The following CAPN15 variants were observed in gnomAD, a reference collection of about 807,000 sequenced individuals.
The protein encoded by CAPN15 is calpain-15.
Under a neutral mutation model 97.9 loss-of-function variants are expected in CAPN15, and 53 were observed. The ratio of observed to expected loss-of-function variants is 0.54; its 90% confidence interval spans 0.43 to 0.68. The LOEUF (loss-of-function observed/expected upper bound fraction) is 0.68, where lower values mean the gene tolerates loss of function less well. Ranked by LOEUF, CAPN15 falls within the 30% of genes least tolerant of loss-of-function variation. CAPN15 has a pLI of 0.00. For missense variants in CAPN15, 1,592 were observed against 1,589.8 expected (o/e 1.00, Z -0.02); for synonymous variants, 922 against 722.5 (o/e 1.28, Z -4.43).
Position 553,025 on chromosome 16 carries a change from G to C in CAPN15, c.3067G>C (p.Val1023Leu). ...TRGSLRTQDSVPPLHRQVLVI... is the reference protein window; with the variant it reads ...TRGSLRTQDSLPPLHRQVLVI... ...CGGCAGCCTGCGTACCCAGGATAGC[G>C]TGCCACCCCTGCACAGGTGCGCCCC... The change falls in exon 13 of 14, where the codon GTG (valine) becomes CTG (leucine). Residue 1023 changes from valine (V) to leucine (L), a missense_variant. Physicochemically the swap from Val to Leu is conservative, Grantham distance 32 (BLOSUM62 1). Around this residue, in one of 3 missense-constraint regions of CAPN15, gnomAD observed 644 missense variants for 699.6 expected, o/e 0.92. Coordinates refer to ENST00000219611, the MANE Select transcript of CAPN15 (RefSeq NM_005632.3). The C allele has an allele frequency of 6.3e-7, 1 of 1,597,302 alleles. No homozygotes were observed. The highest frequency in any genetic ancestry group is 8.5e-7 in the Non-Finnish European group (1 of 1,172,140).
At position 547,115 on chromosome 16, in the gene CAPN15, A is replaced by G. The variant is rs952829588; in HGVS notation, c.277A>G (p.Ile93Val). The G allele has an allele frequency of 7.6e-6, 12 of 1,573,504 alleles. No individual in the cohort carries two copies. Among genetic ancestry groups the G allele is most frequent in the Non-Finnish European group, 8.6e-6 (10 of 1,161,116 alleles). The change falls in exon 4 of 14, where the codon ATC (isoleucine) becomes GTC (valine). Residue 93 changes from isoleucine to valine, a missense_variant. Coordinates refer to ENST00000219611, the MANE Select transcript of CAPN15 (RefSeq NM_005632.3). ...CGGGGTCCTCCCCAAGCCACCCGCCATCCTGGGGGAGCCCAAGGGCAGCTG... is the reference window on the plus strand; with the variant it reads ...CGGGGTCCTCCCCAAGCCACCCGCCGTCCTGGGGGAGCCCAAGGGCAGCTG... ...LNGVLPKPPA[I>V]LGEPKGSCQE...
intron 3 of CAPN15, among the ~76,000 whole-genome samples, chr16:543,013 T>C (rs765916985): frequency 2.0e-5 from 3 of 152,060 alleles, no homozygotes; most frequent in East Asian, 1.9e-4. Context: ...ATTGCACCAC[T>C]GCACTCCAGT....
rs757587350 is a variant in CAPN15, at chr16:552,776, G to A, written c.2904+5G>A. ...AGCCGCGGAGAGCGGCACGAGGTGG[G>A]TGGGGGTCCCGGGGGAGGGTGGCGT... is the stretch of plus-strand genomic sequence containing the variant. On this transcript the variant is annotated splice_donor_5th_base_variant and intron_variant, in intron 12 of 13. Transcript: ENST00000219611. This position sits in a 1 kb window ranked among gnomAD's most constrained non-coding sequence, Gnocchi z 6.4. 6.5e-6 allele frequency: 10 copies of A among 1,527,448 alleles called. No homozygotes were observed. The South Asian group carries it at 1.1e-4, about 17-fold the overall frequency. 94.6% of individuals were successfully genotyped at this position (1,527,448 alleles called of 1,614,324 possible). A position where few individuals can be genotyped will look rare whatever the true frequency, so the allele number is the denominator to read the frequency against.
rs762265091 is a variant in CAPN15, at chr16:549,574, G to A, written c.1843-41G>A. ...CCTCTTCTCCCAGGGCGGGTAGTGT[G>A]GGGGGCGGGCGGGGGTGGCCTCTGA... On this transcript the variant is annotated intron_variant, in intron 6 of 13. Coordinates refer to ENST00000219611, the MANE Select transcript of CAPN15 (RefSeq NM_005632.3). The A allele has an allele frequency of 2.7e-6, 4 of 1,505,582 alleles. No homozygotes were observed. The Admixed American group carries it at 6.0e-5, about 23-fold the overall frequency. The allele number at this position is 1,505,582 out of a possible 1,614,324, so 93.3% of individuals were successfully genotyped here. A position where few individuals can be genotyped will look rare whatever the true frequency, so the allele number is the denominator to read the frequency against.
At chr16:529,443 G>T (rs957480057) in intron 1 of CAPN15, among the ~76,000 whole-genome samples, 1 of 152,224 alleles carries the variant, frequency 6.6e-6, no homozygotes, top group Non-Finnish European at 1.5e-5. Flanking sequence ...GTGAGGAACC[G>T]AAGCTGGAGA....
Position 551,533 on chromosome 16 carries a change from G to A in CAPN15, c.2214G>A (p.Pro738=), listed in dbSNP as rs141298471. ...GCAGGCTTCTGCGGCTCCGAAACCC[G>A]TGGGGCCGTTTCTCCTGGAACGGCA... ...QGTRLLRLRN[P]WGRFSWNGSW... The change falls in exon 9 of 14, where the codon CCG becomes CCA. Residue 738 remains proline (P), a synonymous_variant. Coordinates refer to ENST00000219611, the MANE Select transcript of CAPN15 (RefSeq NM_005632.3). 7.9e-4 allele frequency: 1,278 copies of A among 1,610,970 alleles called. 6 individuals are homozygous for A. The African/African-American group carries it at 0.012, about 15-fold the overall frequency.
chr16:534,181 G>A (rs2033493648), intron 2 of CAPN15, among the ~76,000 whole-genome samples, 183 bp downstream of exon 2: 4 of 152,290 alleles, frequency 2.6e-5, no homozygotes, highest in Admixed American at 1.3e-4. Context: ...AGCCGTTTGG[G>A]CCGTGGTCCT....
In CAPN15 at chr16:536,020, G is replaced by GGGT; in HGVS notation, c.-136-9_-136-8insGGT. ...CCCTGCACGCCCCCCCCCCCCCCCG[G>GGGT]TTATTCAGACAGGGAGCCAGGATGG... On this transcript the variant is annotated splice_polypyrimidine_tract_variant and intron_variant, in intron 2 of 13. Transcript: ENST00000219611. 2 of 100,714 alleles carry GGGT rather than the reference G, an allele frequency of 2.0e-5. No individual in the cohort carries two copies. Among genetic ancestry groups the GGGT allele is most frequent in the Non-Finnish European group, 2.6e-5 (2 of 77,972 alleles). The allele number at this position is 100,714 out of a possible 1,614,324, so 6.2% of individuals were successfully genotyped here.
chr16:543,064 A>C (rs58052132), intron 3 of CAPN15, among the ~76,000 whole-genome samples: 2,604 of 152,100 alleles, frequency 0.017, 75 homozygotes, highest in African/African-American at 0.059. Context: ...ATAAAAATAC[A>C]AACCCTGAGC....
rs1231601273 is a variant in CAPN15, at chr16:547,377, A to T, written c.539A>T (p.Glu180Val). ...RRLSLPRIPP[E>V]ALVVPEVVAP... ...CTCTCGCTGCCACGGATCCCTCCTG[A>T]GGCCCTGGTGGTCCCGGAAGTGGTG... The change falls in exon 4 of 14, where the codon GAG becomes GTG. Residue 180 changes from glutamate to valine, a missense_variant. By Grantham distance (121) the Glu-to-Val change is moderately radical. Around this residue, in one of 3 missense-constraint regions of CAPN15, gnomAD observed 883 missense variants for 776.6 expected, o/e 1.14. Transcript: ENST00000219611. 1.3e-6 allele frequency: 2 copies of T among 1,556,558 alleles called. No individual in the cohort carries two copies. Among genetic ancestry groups the T allele is most frequent in the African/African-American group, 2.7e-5 (2 of 73,620 alleles).
intron 9 of CAPN15, 101 bp downstream of exon 9, chr16:551,765 G>A (rs1243452792): frequency 1.3e-6 from 2 of 1,488,130 alleles, no homozygotes; most frequent in Admixed American, 1.8e-5. Context: ...CTGGGGTGGG[G>A]CGGCTTGTTC....
chr16:548,152 T>G lies in CAPN15; in HGVS notation c.1314T>G (p.Pro438=). 6.5e-7 allele frequency: 1 copy of G among 1,537,158 alleles called. No homozygotes were observed. The highest frequency in any genetic ancestry group is 8.8e-7 in the Non-Finnish European group (1 of 1,142,838). The change falls in exon 4 of 14, where the codon CCT becomes CCG. Residue 438 remains proline, a synonymous_variant. Coordinates refer to ENST00000219611, the MANE Select transcript of CAPN15 (RefSeq NM_005632.3). ...AGCACTGCGCCGCCTGCCACACGCC[T>G]CAGCTCCTGGTGGCCCAGCGGCGGG... is the stretch of plus-strand genomic sequence containing the variant. ...RAKHCAACHT[P]QLLVAQRRGA... is the part of the protein sequence containing the mutation.
At position 552,269 on chromosome 16, in the gene CAPN15, C is replaced by T. The variant is rs781777719; in HGVS notation, c.2508-32C>T. 6.9e-5 allele frequency: 106 copies of T among 1,538,530 alleles called. No homozygotes were observed. Among genetic ancestry groups the T allele is most frequent in the South Asian group, 2.4e-4 (20 of 84,012 alleles). On this transcript the variant is annotated intron_variant, in intron 10 of 13. Transcript: ENST00000219611. This position sits in a 1 kb window ranked among gnomAD's most constrained non-coding sequence, Gnocchi z 6.4. The stretch of plus-strand genomic sequence containing the variant: ...TGGGCTAGGCTGGCGGCCGTGACCA[C>T]GCGTGACCCTGGCCCGTGGTGTCTG...
chr16:547,967 C>T lies in CAPN15; in HGVS notation c.1129C>T (p.Pro377Ser), dbSNP rs781500703. The T allele has an allele frequency of 1.1e-5, 18 of 1,585,626 alleles. No homozygotes were observed. The highest frequency in any genetic ancestry group is 1.5e-5 in the Non-Finnish European group (17 of 1,167,870). Residue 377 changes from proline (P) to serine (S), a missense_variant, in exon 4 of 14, where the codon CCC becomes TCC. By Grantham distance (74) the Pro-to-Ser change is moderately conservative. This residue lies in a region of CAPN15 where 883 missense variants were observed against 776.6 expected (regional missense o/e 1.14). Coordinates refer to ENST00000219611, the MANE Select transcript of CAPN15 (RefSeq NM_005632.3). ...KLHGFQEHGE[P>S]PTHCPDCGAD... The stretch of plus-strand genomic sequence containing the variant: ...GCACGGCTTCCAGGAGCATGGCGAG[C>T]CCCCCACCCACTGCCCCGACTGTGG...
chr16:549,022 C>T lies in CAPN15; in HGVS notation c.1479C>T (p.Phe493=). The T allele has an allele frequency of 6.2e-7, 1 of 1,612,750 alleles. No homozygotes were observed. Among genetic ancestry groups the T allele is most frequent in the Non-Finnish European group, 8.5e-7 (1 of 1,179,926 alleles). The change falls in exon 5 of 14, where the codon TTC becomes TTT. Residue 493 remains phenylalanine, a synonymous_variant. Transcript: ENST00000219611. ...ATGTGAGCTTCGTGGATGACAGCTT[C>T]CCTCCCGGGCCCGAGTCTGTCGGCT... ...ENNVSFVDDS[F]PPGPESVGFP... is the part of the protein sequence containing the mutation.
chr16:548,906 G>T, intron 4 of CAPN15, 87 bp from the exon 5 acceptor site: 1 of 1,239,180 alleles, frequency 8.1e-7, no homozygotes, highest in Non-Finnish European at 1.2e-6. Flanking sequence ...CAGTGCTTTT[G>T]GGCGCTCTCC....
chr16:536,179 G>C (rs2033705113), intron 3 of CAPN15, 37 bp downstream of exon 3: 3 of 666,452 alleles, frequency 4.5e-6, no homozygotes, highest in Non-Finnish European at 5.6e-6. Flanking sequence ...GCTGGCCGCA[G>C]CAGGCCCTGT....
At chr16:531,067 G>A (rs900422405) in intron 1 of CAPN15, among the ~76,000 whole-genome samples, 2 of 152,260 alleles carry the variant, frequency 1.3e-5, no homozygotes, top group East Asian at 1.9e-4. Context: ...CAGGGCCATC[G>A]CTGCTTTTTA....
chr16:545,405 C>T (rs28444347), intron 3 of CAPN15, among the ~76,000 whole-genome samples: 1 of 152,144 alleles, frequency 6.6e-6, no homozygotes, highest in Non-Finnish European at 1.5e-5. Context: ...ACAGCGCAGA[C>T]TGCGGGGTCA....
Sources: allele counts gnomAD v4.1 joint callset (sites outside exome capture counted in the v4.1 genomes callset), GRCh38; gene constraint gnomAD v4.1.1; regional missense constraint gnomAD v4.1.1; non-coding constraint Gnocchi (gnomAD v3.1); transcripts MANE v1.5; gene names NCBI Gene and HGNC (gene_info 2026-07-23, HGNC 2026-07-21).